TM6SF1: variants seen among roughly 807,000 people sequenced by gnomAD.
TM6SF1 encodes transmembrane 6 superfamily member 1.
Under a neutral mutation model 47.1 loss-of-function variants are expected in TM6SF1, and 43 were observed. The ratio of observed to expected loss-of-function variants is 0.91; its 90% CI spans 0.72 to 1.18. The LOEUF is 1.18. Ranked by LOEUF, TM6SF1 falls within the 50% of genes most tolerant of loss-of-function variation. TM6SF1 has a pLI of 0.00. For missense variants in TM6SF1, 390 were observed against 449.0 expected (o/e 0.87, Z 1.19); for synonymous variants, 177 against 166.3 (o/e 1.06, Z -0.49).
At chr15:83,110,584 C>T (rs2034056564) in intron 1 of TM6SF1, among the ~76,000 whole-genome samples, 1 of 152,178 alleles carries the variant, frequency 6.6e-6, no homozygotes, top group South Asian at 2.1e-4. Context: ...GAGTGCAGGC[C>T]CTTGGTAGGA....
intron 1 of TM6SF1, among the ~76,000 whole-genome samples, chr15:83,112,184 GGTCT>G (rs1476987580): frequency 6.6e-6 from 1 of 152,138 alleles, no homozygotes; most frequent in Admixed American, 6.5e-5. Flanking sequence ...GTTGGATGCT[GGTCT>G]GTTGGCCCTG....
chr15:83,114,672 C>G (rs967393539), intron 2 of TM6SF1: 21 of 152,496 alleles, frequency 1.4e-4, no homozygotes, highest in African/African-American at 5.1e-4. Flanking sequence ...TCCCCACACT[C>G]CTCTCCATTT....
intron 9 of TM6SF1, chr15:83,127,741 A>T (rs1341671924): frequency 8.2e-6 from 3 of 365,208 alleles, no homozygotes; most frequent in Non-Finnish European, 1.5e-5. Context: ...GCCCAAGGTT[A>T]CACACCCAGC....
intron 4 of TM6SF1, 24 bp from the exon 5 acceptor site, chr15:83,121,897 A>AT: frequency 1.3e-6 from 2 of 1,567,826 alleles, no homozygotes; most frequent in Non-Finnish European, 8.7e-7. Context: ...CCAAGTCAAG[A>AT]TTTTTTTGTT....
intron 9 of TM6SF1, chr15:83,133,362 C>A (rs1012716427): frequency 6.6e-6 from 1 of 152,158 alleles, no homozygotes; most frequent in Non-Finnish European, 1.5e-5. Context: ...TGTGGAACCA[C>A]GATTAACTTT....
chr15:83,127,236 G>T, intron 8 of TM6SF1, 122 bp from the exon 9 acceptor site: 1 of 883,304 alleles, frequency 1.1e-6, no homozygotes. Flanking sequence ...AAAAAAAAGA[G>T]TCCCATATAG....
intron 9 of TM6SF1, chr15:83,129,196 C>T (rs1362959149): frequency 6.6e-6 from 1 of 152,218 alleles, no homozygotes; most frequent in Admixed American, 6.5e-5. Flanking sequence ...GCTGCCCCTA[C>T]ACTAGTCTGA....
Position 83,126,617 on chromosome 15 carries a change from T to C in TM6SF1, c.709-138T>C, listed in dbSNP as rs191583752. The C allele has an allele frequency of 2.0e-3, 1,291 of 633,432 alleles. 12 individuals carry two copies. Among genetic ancestry groups the C allele is most frequent in the South Asian group, 0.014 (606 of 44,614 alleles). The allele number at this position is 633,432 out of a possible 1,614,324, so 39.2% of individuals were successfully genotyped here. A position where few individuals can be genotyped will look rare whatever the true frequency, so the allele number is the denominator to read the frequency against. On this transcript the variant is annotated intron_variant, in intron 7 of 9. Transcript: ENST00000322019. Reference sequence around the variant, plus strand: ...ACAAATCTGCAAAATATTTCCATCATTGATGAGCCTCTACAATGCATACGT... The same window carrying C: ...ACAAATCTGCAAAATATTTCCATCACTGATGAGCCTCTACAATGCATACGT...
chr15:83,108,883 T>G (rs1362539243), intron 1 of TM6SF1, among the ~76,000 whole-genome samples: 1 of 152,232 alleles, frequency 6.6e-6, no homozygotes, highest in African/African-American at 2.4e-5. Context: ...ACCCTTGGTC[T>G]GGCCCAGTCT....
intron 9 of TM6SF1, chr15:83,128,895 G>T (rs976147178): frequency 3.3e-5 from 5 of 152,160 alleles, no homozygotes; most frequent in African/African-American, 1.2e-4. Context: ...TGATGGCACA[G>T]TCATAGCTCA....
chr15:83,123,989 C>T (rs1396985745), intron 6 of TM6SF1, among the ~76,000 whole-genome samples: 4 of 152,188 alleles, frequency 2.6e-5, no homozygotes, highest in Non-Finnish European at 5.9e-5. Context: ...GCTCCTAGAG[C>T]CCTATCTTCA....
intron 9 of TM6SF1, chr15:83,131,776 T>C (rs2036271231): frequency 6.6e-6 from 1 of 152,220 alleles, no homozygotes; most frequent in South Asian, 2.1e-4. Context: ...AGGACACATT[T>C]TAGACCAAAG....
At chr15:83,112,477 G>C (rs2151335694) in intron 1 of TM6SF1, among the ~76,000 whole-genome samples, 1 of 152,234 alleles carries the variant, frequency 6.6e-6, no homozygotes, top group East Asian at 1.9e-4. Context: ...GGAGGCAGTG[G>C]GGCAGTGGCC....
At chr15:83,130,041 T>G (rs1236866299) in intron 9 of TM6SF1, 2 of 152,318 alleles carry the variant, frequency 1.3e-5, no homozygotes, top group Admixed American at 1.3e-4. Context: ...CAATCAGGCC[T>G]CCTCTGCCTG....
chr15:83,118,232 C>A (rs1567138853), intron 3 of TM6SF1, among the ~76,000 whole-genome samples: 2 of 60,334 alleles, frequency 3.3e-5, no homozygotes, highest in East Asian at 2.7e-4. Flanking sequence ...TCTGTACGTA[C>A]ACACACACAC....
At position 83,122,880 on chromosome 15, in the gene TM6SF1, T is replaced by C. The variant is rs1186794337; in HGVS notation, c.603+2T>C. 3 of 1,613,408 alleles carry C rather than the reference T, an allele frequency of 1.9e-6. No individual in the cohort carries two copies. The highest frequency in any genetic ancestry group is 2.5e-6 in the Non-Finnish European group (3 of 1,179,878). On this transcript the variant is annotated splice_donor_variant, in intron 6 of 9. Transcript: ENST00000322019. LOFTEE classifies it high-confidence loss of function. Reference sequence around the variant, plus strand: ...GAAAATTATAATTACCCCTCAAAGGTGATTTTATTAAGCTTTGATGTACCC... The same window carrying C: ...GAAAATTATAATTACCCCTCAAAGGCGATTTTATTAAGCTTTGATGTACCC...
At chr15:83,121,296 G>C (rs2035225004) in intron 4 of TM6SF1, among the ~76,000 whole-genome samples, 1 of 150,972 alleles carries the variant, frequency 6.6e-6, no homozygotes, top group Middle Eastern at 3.4e-3. Context: ...TGGCCAGGCT[G>C]GTTTCAAACT....
rs56691475 is a variant in TM6SF1, at chr15:83,112,544, CAT to C, written c.93-252_93-251del. On this transcript the variant is annotated intron_variant, in intron 1 of 9. Transcript: ENST00000322019. ...GAGCTCCAGACGTGTCATCTGTGCA[CAT>C]GAGACAGGATAAGAGGAGAATGAGG... Among the ~76,000 whole-genome samples the C allele has an allele frequency of 2.9e-3, 434 of 152,208 alleles. 5 individuals carry two copies. Among genetic ancestry groups the C allele is most frequent in the African/African-American group, 9.9e-3 (411 of 41,530 alleles).
intron 9 of TM6SF1, 159 bp downstream of exon 9, chr15:83,127,636 AT>A: frequency 1.4e-6 from 1 of 723,158 alleles, no homozygotes; most frequent in Non-Finnish European, 2.3e-6. Context: ...CTGCAAGTAC[AT>A]TTTATTTCAA....
Sources: allele counts gnomAD v4.1 joint callset (sites outside exome capture counted in the v4.1 genomes callset), GRCh38; gene constraint gnomAD v4.1.1; transcripts MANE v1.5; gene names NCBI Gene and HGNC (gene_info 2026-07-23, HGNC 2026-07-21).